RBL2: variants seen among roughly 807,000 people sequenced by gnomAD.
RBL2 encodes retinoblastoma-like protein 2.
In RBL2, 56 loss-of-function variants were observed where a neutral mutation model predicts 126.0. The ratio of observed to expected loss-of-function variants is 0.44; its 90% CI spans 0.36 to 0.56. The LOEUF (loss-of-function observed/expected upper bound fraction) is 0.56, where lower values mean the gene tolerates loss of function less well. Ranked by LOEUF, RBL2 falls within the 20% of genes least tolerant of loss-of-function variation. The pLI, the probability that RBL2 is intolerant of heterozygous loss-of-function variation, is 0.00. For synonymous variants in RBL2, 454 were observed against 478.5 expected, an observed-to-expected ratio of 0.95 and a Z score of 0.67; for missense variants, 1,229 against 1,398.2, an observed-to-expected ratio of 0.88 and a Z score of 1.93.
chr16:53,465,847 A>C (rs2058267650), intron 13 of RBL2: 2 of 299,288 alleles, frequency 6.7e-6, no homozygotes, highest in Non-Finnish European at 1.2e-5. Flanking sequence ...TTACATATGG[A>C]GGAGGCAGAG....
In RBL2 at chr16:53,467,115, T is replaced by C; in HGVS notation, c.1921T>C (p.Leu641=). 3.1e-6 allele frequency: 5 copies of C among 1,614,128 alleles called. No homozygotes were observed. The Admixed American group carries it at 8.3e-5, about 27-fold the overall frequency. ...TGAAATTTGCATTGCTGGCTCCCCT[T>C]TGACTCCCAGAAGGGTGACTGAAGT... ...ADEICIAGSP[L]TPRRVTEVRA... is the part of the protein sequence containing the mutation. The change falls in exon 14 of 22, where the codon TTG becomes CTG. Residue 641 remains leucine, a synonymous_variant. Coordinates refer to ENST00000262133, the MANE Select transcript of RBL2 (RefSeq NM_005611.4).
At chr16:53,488,079 T>C (rs1459227566) in intron 21 of RBL2, 2 of 152,236 alleles carry the variant, frequency 1.3e-5, no homozygotes, top group African/African-American at 2.4e-5. Flanking sequence ...TGGAAACTTA[T>C]GTTTAGACAA....
At chr16:53,445,298 G>A (rs957874410) in intron 3 of RBL2, among the ~76,000 whole-genome samples, 14 of 146,582 alleles carry the variant, frequency 9.6e-5, no homozygotes, top group African/African-American at 3.6e-4. Context: ...CTGTACTCCA[G>A]TTTGGGTGAC....
chr16:53,440,853 C>T (rs2153138019), intron 2 of RBL2, among the ~76,000 whole-genome samples: 1 of 151,602 alleles, frequency 6.6e-6, no homozygotes, highest in East Asian at 1.9e-4. Flanking sequence ...CATGCCTGGC[C>T]AACATTTTAT....
Position 53,470,431 on chromosome 16 carries a change from A to C in RBL2, c.2294A>C (p.Asn765Thr). The part of the protein sequence containing the change: ...GGITFFPVQV[N>T]VGGQAQAVTG... ...ATAACATTCTTCCCTGTCCAAGTCAATGTTGGGGGGCAGGCACAAGCTGTG... is the reference window on the plus strand; with the variant it reads ...ATAACATTCTTCCCTGTCCAAGTCACTGTTGGGGGGCAGGCACAAGCTGTG... Residue 765 changes from asparagine (N) to threonine (T), a missense_variant, in exon 16 of 22, where the codon AAT becomes ACT. Physicochemically the swap from Asn to Thr is moderately conservative, Grantham distance 65 (BLOSUM62 0). Around this residue, in one of 2 missense-constraint regions of RBL2, gnomAD observed 1,070 missense variants for 1,274.3 expected, o/e 0.84. Coordinates refer to ENST00000262133, the MANE Select transcript of RBL2 (RefSeq NM_005611.4). 6.2e-7 allele frequency: 1 copy of C among 1,614,098 alleles called. No individual in the cohort carries two copies. Among genetic ancestry groups the C allele is most frequent in the South Asian group, 1.1e-5 (1 of 91,070 alleles).
At chr16:53,446,698 T>C (rs959783312) in intron 3 of RBL2, among the ~76,000 whole-genome samples, 1 of 152,204 alleles carries the variant, frequency 6.6e-6, no homozygotes, top group Non-Finnish European at 1.5e-5. Flanking sequence ...AATAAGGACA[T>C]ATCTGACTGC....
At chr16:53,454,868 A>G (rs1427223250) in intron 8 of RBL2, 26 bp downstream of exon 8, 1 of 1,557,092 alleles carries the variant, frequency 6.4e-7, no homozygotes, top group Non-Finnish European at 8.7e-7. Context: ...CCAGAAGAGT[A>G]GAAATACAGG....
In RBL2 at chr16:53,436,540, C is replaced by A. The variant is rs149244538; in HGVS notation, c.240+1744C>A. Among the ~76,000 whole-genome samples, 1,377 of 152,268 alleles carry A rather than the reference C, an allele frequency of 9.0e-3. 23 individuals are homozygous for A. Among genetic ancestry groups the A allele is most frequent in the African/African-American group, 0.032 (1,321 of 41,556 alleles). On this transcript the variant is annotated intron_variant, in intron 1 of 21. Transcript: ENST00000262133. ...TAGGTGCTGGATATAGAGCAGCAAA[C>A]CTGCTCTTGTGGGGCTTACAGTGAG...
intron 18 of RBL2, 68 bp downstream of exon 18, chr16:53,479,293 C>T (rs1420552066): frequency 1.4e-6 from 2 of 1,406,864 alleles, no homozygotes; most frequent in Non-Finnish European, 2.0e-6. Context: ...AAAAATTAAC[C>T]ATAGTTGACT....
rs1300055474 is a variant in RBL2 at position 53,434,722 on chromosome 16, C to T, written c.166C>T (p.Leu56Phe). 2 of 1,558,228 alleles carry T rather than the reference C, an allele frequency of 1.3e-6. No homozygotes were observed. The highest frequency in any genetic ancestry group is 2.3e-5 in the South Asian group (2 of 85,470). The change falls in exon 1 of 22, where the codon CTC becomes TTC. Residue 56 changes from leucine to phenylalanine, a missense_variant. Physicochemically the swap from Leu to Phe is conservative, Grantham distance 22. Coordinates refer to ENST00000262133, the MANE Select transcript of RBL2 (RefSeq NM_005611.4). ...QQRFDELCSR[L>F]NMDEAARAEA... ...GCGGTTCGACGAGCTGTGCAGCCGC[C>T]TCAACATGGACGAGGCGGCGCGGGC...
chr16:53,457,258 C>CTTTTTTTTTTTTGTTTTTTT (rs2058177622), intron 8 of RBL2, among the ~76,000 whole-genome samples: 1 of 89,954 alleles, frequency 1.1e-5, no homozygotes, highest in Non-Finnish European at 2.0e-5. Flanking sequence ...GTACAGATAG[C>CTTTTTTTTTTTTGTTTTTTT]TTTTTTTTTT....
chr16:53,462,527 G>GTTT (rs55875935), intron 10 of RBL2, 25 bp from the exon 11 acceptor site: 16 of 1,133,172 alleles, frequency 1.4e-5, no homozygotes, highest in South Asian at 3.1e-5. Flanking sequence ...TTTTTGTGGG[G>GTTT]TTTTTTTTTT....
At chr16:53,488,100 A>G (rs1045170282) in intron 21 of RBL2, 6 of 152,248 alleles carry the variant, frequency 3.9e-5, no homozygotes, top group African/African-American at 7.2e-5. Context: ...AATCACGTAC[A>G]TGACTGTTTA....
chr16:53,483,119 T>C (rs1961021422), intron 21 of RBL2, among the ~76,000 whole-genome samples: 1 of 152,178 alleles, frequency 6.6e-6, no homozygotes, highest in Non-Finnish European at 1.5e-5. Context: ...AGTGTCCCAG[T>C]GTCTGCAGCT....
At chr16:53,456,124 C>T (rs1331995063) in intron 8 of RBL2, among the ~76,000 whole-genome samples, 1 of 151,870 alleles carries the variant, frequency 6.6e-6, no homozygotes, top group Admixed American at 6.6e-5. Context: ...TGCAGTGAGC[C>T]GTGATCGCGT....
intron 2 of RBL2, among the ~76,000 whole-genome samples, chr16:53,440,461 T>C (rs1399324888): frequency 6.6e-6 from 1 of 152,064 alleles, no homozygotes; most frequent in Non-Finnish European, 1.5e-5. Flanking sequence ...ATAAAGAACA[T>C]GACTTCACAA....
Position 53,454,438 on chromosome 16 carries a change from C to T in RBL2, c.993-218C>T, listed in dbSNP as rs557706381. 1,139 of 472,502 alleles carry T rather than the reference C, an allele frequency of 2.4e-3. 2 individuals carry two copies. The highest frequency in any genetic ancestry group is 3.7e-3 in the Non-Finnish European group (968 of 260,126). The allele number at this position is 472,502 out of a possible 1,614,324, so 29.3% of individuals were successfully genotyped here. The stretch of plus-strand genomic sequence containing the variant: ...CAGGCTGGTCTCAAACTCCTGACTT[C>T]GTGATCCACCTGCCTCAGCCTCCCA... On this transcript the variant is annotated intron_variant, in intron 7 of 21. Coordinates refer to ENST00000262133, the MANE Select transcript of RBL2 (RefSeq NM_005611.4).
In RBL2 at chr16:53,479,345, A is replaced by C. The variant is rs1960855263; in HGVS notation, c.2775+120A>C. The C allele has an allele frequency of 1.4e-5, 11 of 787,892 alleles. No individual in the cohort carries two copies. In the South Asian group the frequency reaches 1.9e-4, roughly 13 times the overall value. The allele number at this position is 787,892 out of a possible 1,614,324, so 48.8% of individuals were successfully genotyped here. A position where few individuals can be genotyped will look rare whatever the true frequency, so the allele number is the denominator to read the frequency against. On this transcript the variant is annotated intron_variant, in intron 18 of 21. Transcript: ENST00000262133. The stretch of plus-strand genomic sequence containing the variant: ...AAGATAAACACCTGGGACTCTACTT[A>C]AGGGAAGTTTCTACTTTAATCTTTA...
chr16:53,445,646 A>G (rs1222901474), intron 3 of RBL2: 1 of 152,230 alleles, frequency 6.6e-6, no homozygotes, highest in Non-Finnish European at 1.5e-5. Context: ...TACTGTGACT[A>G]TATACTGCAT....
Sources: gnomAD v4.1 joint callset for allele counts (sites outside exome capture counted in the v4.1 genomes callset) on GRCh38, gnomAD v4.1.1 for gene constraint, gnomAD v4.1.1 regional missense constraint, MANE v1.5 for transcripts, NCBI Gene and HGNC (gene_info 2026-07-23, HGNC 2026-07-21) for gene names.